Variants in MATCAP2 observed in about 807,000 individuals in gnomAD.
MATCAP2 encodes the protein microtubule associated tyrosine carboxypeptidase 2.
chr7:36,349,447 T>C, the MATCAP2 span, among the ~76,000 whole-genome samples: 3 of 152,318 alleles, frequency 2.0e-5, no homozygotes, highest in African/African-American at 4.8e-5. Flanking sequence ...TCTCAGACAC[T>C]GACTGTGCCT....
At chr7:36,362,888 C>T in the MATCAP2 span, among the ~76,000 whole-genome samples, 2 of 152,350 alleles carry the variant, frequency 1.3e-5, no homozygotes, top group Non-Finnish European at 2.9e-5. Context: ...TGTATCTCTT[C>T]TTCGAAGTAC....
the MATCAP2 span, among the ~76,000 whole-genome samples, chr7:36,379,847 C>CACAGAGAGAGAG: frequency 1.9e-5 from 2 of 107,700 alleles, no homozygotes; most frequent in South Asian, 3.3e-4. Flanking sequence ...CACACACACA[C>CACAGAGAGAGAG]AGAGAGAGAG....
the MATCAP2 span, among the ~76,000 whole-genome samples, chr7:36,381,062 C>T: frequency 2.0e-5 from 3 of 152,246 alleles, no homozygotes; most frequent in Admixed American, 1.3e-4. Flanking sequence ...TCAAGGTTAA[C>T]ACCTGGGTAT....
At chr7:36,343,702 G>A in the MATCAP2 span, among the ~76,000 whole-genome samples, 2 of 149,096 alleles carry the variant, frequency 1.3e-5, no homozygotes, top group African/African-American at 2.5e-5. Flanking sequence ...AAGGAAGGAA[G>A]AAAGAAAAGG....
chr7:36,390,049 G>A, the MATCAP2 span: 1 of 1,613,738 alleles, frequency 6.2e-7, no homozygotes, highest in Admixed American at 1.7e-5. Flanking sequence ...ACGGAGGTGA[G>A]TGAGTTTGCG....
chr7:36,331,112 T>A, the MATCAP2 span: 4 of 1,374,148 alleles, frequency 2.9e-6, no homozygotes, highest in Non-Finnish European at 4.1e-6. Flanking sequence ...TACTTTCTGA[T>A]GTTCAGAAAA....
chr7:36,362,687 C>T, the MATCAP2 span, among the ~76,000 whole-genome samples: 1 of 152,236 alleles, frequency 6.6e-6, no homozygotes, highest in Non-Finnish European at 1.5e-5. Flanking sequence ...CTCCAGCCTT[C>T]TCTCACTTTG....
At chr7:36,388,766 T>C in the MATCAP2 span, among the ~76,000 whole-genome samples, 2 of 152,268 alleles carry the variant, frequency 1.3e-5, no homozygotes, top group South Asian at 4.1e-4. Flanking sequence ...TTCTTTAACG[T>C]TTTCGGGTGT....
the MATCAP2 span, among the ~76,000 whole-genome samples, chr7:36,362,791 GATTA>G: frequency 6.6e-6 from 1 of 152,138 alleles, no homozygotes; most frequent in African/African-American, 2.4e-5. Context: ...CTCTTTGTTA[GATTA>G]ATATCCACTC....
the MATCAP2 span, among the ~76,000 whole-genome samples, chr7:36,375,524 G>T: frequency 1.3e-5 from 2 of 152,086 alleles, no homozygotes; most frequent in Non-Finnish European, 2.9e-5. Flanking sequence ...CATCAATGTC[G>T]TCAGGGATAT....
chr7:36,353,310 G>T, the MATCAP2 span, among the ~76,000 whole-genome samples: 4 of 152,150 alleles, frequency 2.6e-5, no homozygotes, highest in Admixed American at 2.6e-4. Context: ...TTTGGTGACA[G>T]GGCTAATTTT....
At chr7:36,328,599 C>T in the MATCAP2 span, among the ~76,000 whole-genome samples, 1 of 151,862 alleles carries the variant, frequency 6.6e-6, no homozygotes, top group African/African-American at 2.4e-5. Context: ...CAAAAATTAG[C>T]TGGGTGTGGT....
chr7:36,351,841 G>A, the MATCAP2 span, among the ~76,000 whole-genome samples: 165 of 151,640 alleles, frequency 1.1e-3, 1 homozygote, highest in African/African-American at 2.0e-3. Context: ...AGCTACTTGC[G>A]GGGCTGAGGT....
At chr7:36,363,111 T>C in the MATCAP2 span, among the ~76,000 whole-genome samples, 2 of 152,148 alleles carry the variant, frequency 1.3e-5, no homozygotes, top group African/African-American at 2.4e-5. Flanking sequence ...GAAAAAATTA[T>C]CCCAGGAAGG....
the MATCAP2 span, among the ~76,000 whole-genome samples, chr7:36,386,609 C>G: frequency 6.6e-6 from 1 of 151,998 alleles, no homozygotes; most frequent in Non-Finnish European, 1.5e-5. Context: ...CCAACAAAAA[C>G]CCTATAAATC....
At chr7:36,355,120 G>A in the MATCAP2 span, 1 of 152,154 alleles carries the variant, frequency 6.6e-6, no homozygotes, top group African/African-American at 2.4e-5. Flanking sequence ...ATTTGTGAAA[G>A]CCTTGTTCAA....
At chr7:36,382,585 C>T in the MATCAP2 span, among the ~76,000 whole-genome samples, 13 of 152,202 alleles carry the variant, frequency 8.5e-5, no homozygotes, top group East Asian at 1.4e-3. Flanking sequence ...CTCCGCCTCC[C>T]GGGTTCACAC....
At chr7:36,341,137 T>TC in the MATCAP2 span, among the ~76,000 whole-genome samples, 1 of 152,092 alleles carries the variant, frequency 6.6e-6, no homozygotes, top group African/African-American at 2.4e-5. Flanking sequence ...GTTTATCCGC[T>TC]CCCCCTAGAG....
the MATCAP2 span, among the ~76,000 whole-genome samples, chr7:36,332,906 G>A: frequency 6.6e-6 from 1 of 152,094 alleles, no homozygotes; most frequent in Non-Finnish European, 1.5e-5. Context: ...CAGACTAGGT[G>A]ATAAGAGTCA....
Sources: allele counts gnomAD v4.1 joint callset (sites outside exome capture counted in the v4.1 genomes callset), GRCh38; gene constraint gnomAD v4.1.1; transcripts MANE v1.5; gene names NCBI Gene and HGNC (gene_info 2026-07-23, HGNC 2026-07-21).